Variants in MECOM observed in about 807,000 individuals in gnomAD.
MECOM encodes histone-lysine N-methyltransferase MECOM.
A neutral mutation model predicts 116.3 loss-of-function variants in MECOM; 13 were observed. The ratio of observed to expected loss-of-function variants is 0.11; its 90% CI spans 0.07 to 0.18. The LOEUF (loss-of-function observed/expected upper bound fraction) is 0.18, where lower values mean the gene tolerates loss of function less well. MECOM is among the 10% of genes least tolerant of loss of function. MECOM has a pLI of 1.00. For synonymous variants in MECOM, 528 were observed against 535.2 expected (o/e 0.99, Z 0.19); for missense variants, 1,299 against 1,509.0 (o/e 0.86, Z 2.31).
rs58944452 is a variant in MECOM at position 169,149,935 on chromosome 3, CTGTGTGTGTGTG to C, written c.376-6115_376-6104del. Among the ~76,000 whole-genome samples the C allele has an allele frequency of 1.3e-3, 166 of 131,304 alleles. 1 individual carries two copies. The highest frequency in any genetic ancestry group is 1.9e-3 in the South Asian group (7 of 3,708). The allele number at this position is 131,304 out of a possible 152,430, so 86.1% of individuals were successfully genotyped here. A position where few individuals can be genotyped will look rare whatever the true frequency, so the allele number is the denominator to read the frequency against. On this transcript the variant is annotated intron_variant, in intron 2 of 16. Transcript: ENST00000651503. ...AATCTTAATCTCTCTTTCTCTCTCTCTGTGTGTGTGTGTGTGTGTGTGTGTGTGTGTGTGTGT... is the reference window on the plus strand; with the variant it reads ...AATCTTAATCTCTCTTTCTCTCTCTCTGTGTGTGTGTGTGTGTGTGTGTGT...
intron 2 of MECOM, among the ~76,000 whole-genome samples, chr3:169,177,642 C>T (rs1373322113): frequency 2.6e-5 from 4 of 152,004 alleles, no homozygotes; most frequent in African/African-American, 9.7e-5. Context: ...GAGGACCAGG[C>T]GCGGTTGCTC....
At chr3:169,621,151 T>C (rs1770670858) in intron 1 of MECOM, among the ~76,000 whole-genome samples, 1 of 152,246 alleles carries the variant, frequency 6.6e-6, no homozygotes, top group African/African-American at 2.4e-5. Flanking sequence ...AAAAATTGTC[T>C]GGTATATCAG....
At chr3:169,544,252 G>C (rs1760448068) in intron 1 of MECOM, among the ~76,000 whole-genome samples, 1 of 152,238 alleles carries the variant, frequency 6.6e-6, no homozygotes, top group Non-Finnish European at 1.5e-5. Context: ...GAGTAAAGCA[G>C]TGCCTGGCAC....
chr3:169,663,480 CTCT>C lies in MECOM; in HGVS notation c.-111_-109del. 1 of 53,748 alleles carries C rather than the reference CTCT, an allele frequency of 1.9e-5. No homozygotes were observed. Among genetic ancestry groups the C allele is most frequent in the Non-Finnish European group, 3.6e-5 (1 of 27,634 alleles). 3.3% of individuals were successfully genotyped at this position (53,748 alleles called of 1,614,324 possible). A position where few individuals can be genotyped will look rare whatever the true frequency, so the allele number is the denominator to read the frequency against. ...CTCCCTCCCTCTCTCTCCTGTCTCT[CTCT>C]CTCTCTCTCTCTCTCTCTCTCTCTC... On this transcript the variant is annotated 5_prime_UTR_variant, in exon 1 of 17. Transcript: ENST00000651503.
At chr3:169,148,075 G>T (rs966955931) in intron 2 of MECOM, among the ~76,000 whole-genome samples, 2 of 151,934 alleles carry the variant, frequency 1.3e-5, no homozygotes, top group Non-Finnish European at 2.9e-5. Context: ...CATTCTTGTA[G>T]CTAGGTCAGA....
chr3:169,504,576 T>C (rs1754971124), intron 1 of MECOM, among the ~76,000 whole-genome samples: 1 of 152,160 alleles, frequency 6.6e-6, no homozygotes, highest in African/African-American at 2.4e-5. Flanking sequence ...GATTCCACAC[T>C]CAAAAACTCA....
intron 1 of MECOM, among the ~76,000 whole-genome samples, chr3:169,384,688 G>T (rs1454243171): frequency 6.6e-6 from 1 of 151,988 alleles, no homozygotes; most frequent in Non-Finnish European, 1.5e-5. Context: ...AAACCAAAAG[G>T]CACCAAAATA....
At chr3:169,640,868 C>T (rs1234961325) in intron 1 of MECOM, among the ~76,000 whole-genome samples, 1 of 152,152 alleles carries the variant, frequency 6.6e-6, no homozygotes, top group Non-Finnish European at 1.5e-5. Context: ...GAGGTGATTC[C>T]AAGGTTATGT....
At chr3:169,210,957 A>G (rs1750648689) in intron 2 of MECOM, among the ~76,000 whole-genome samples, 1 of 152,188 alleles carries the variant, frequency 6.6e-6, no homozygotes. Flanking sequence ...GGCATATATC[A>G]GTATTTCAGT....
intron 2 of MECOM, among the ~76,000 whole-genome samples, chr3:169,266,727 A>G (rs1374302135): frequency 6.6e-6 from 1 of 152,188 alleles, no homozygotes; most frequent in Non-Finnish European, 1.5e-5. Flanking sequence ...TCTGTCAAAT[A>G]TTATTATGCT....
chr3:169,529,483 T>C (rs917477645), intron 1 of MECOM, among the ~76,000 whole-genome samples: 47 of 152,094 alleles, frequency 3.1e-4, no homozygotes, highest in Non-Finnish European at 6.2e-4. Context: ...GCTTCCCATA[T>C]CCATATCCTG....
At chr3:169,578,694 T>A (rs1433546320) in intron 1 of MECOM, among the ~76,000 whole-genome samples, 1 of 152,146 alleles carries the variant, frequency 6.6e-6, no homozygotes, top group Non-Finnish European at 1.5e-5. Flanking sequence ...GTGTGTTGCA[T>A]GTATTTAACT....
chr3:169,378,466 CAAGCAAGCAAGAAAGAGA>C (rs1731615006), intron 2 of MECOM, among the ~76,000 whole-genome samples: 1 of 44,900 alleles, frequency 2.2e-5, no homozygotes, highest in South Asian at 7.0e-4. Flanking sequence ...AGCAAGCAAG[CAAGCAAGCAAGAAAGAGA>C]GAGAGAAAGA....
At chr3:169,572,282 C>T (rs6444861) in intron 1 of MECOM, among the ~76,000 whole-genome samples, 33,175 of 152,008 alleles carry the variant, frequency 0.22, 4,633 homozygotes, top group East Asian at 0.7. Flanking sequence ...AAACCAAAAC[C>T]ACAATGAGAT....
At chr3:169,489,278 A>T (rs1752789123) in intron 1 of MECOM, among the ~76,000 whole-genome samples, 1 of 152,192 alleles carries the variant, frequency 6.6e-6, no homozygotes, top group Non-Finnish European at 1.5e-5. Context: ...GTTTTAACAG[A>T]TTTTCAAGTA....
intron 1 of MECOM, among the ~76,000 whole-genome samples, chr3:169,619,839 A>T (rs1364275064): frequency 1.3e-5 from 2 of 152,338 alleles, no homozygotes; most frequent in South Asian, 2.1e-4. Context: ...ACCACCCTGT[A>T]GGAGGTGCTA....
At chr3:169,530,630 C>T (rs1422931446) in intron 1 of MECOM, among the ~76,000 whole-genome samples, 1 of 152,080 alleles carries the variant, frequency 6.6e-6, no homozygotes, top group Non-Finnish European at 1.5e-5. Flanking sequence ...GGGGTGTCAG[C>T]AGGGTAGAGA....
intron 1 of MECOM, among the ~76,000 whole-genome samples, chr3:169,513,812 G>A (rs1398037322): frequency 6.6e-6 from 1 of 152,102 alleles, no homozygotes; most frequent in Non-Finnish European, 1.5e-5. Flanking sequence ...TAAGTCTTAG[G>A]ACAAGATCAA....
At chr3:169,561,368 A>G (rs902887283) in intron 1 of MECOM, among the ~76,000 whole-genome samples, 1 of 152,180 alleles carries the variant, frequency 6.6e-6, no homozygotes, top group African/African-American at 2.4e-5. Flanking sequence ...TAAATAAATC[A>G]TGATATTTTC....
Sources: allele counts gnomAD v4.1 joint callset (sites outside exome capture counted in the v4.1 genomes callset), GRCh38; gene constraint gnomAD v4.1.1; transcripts MANE v1.5; gene names NCBI Gene and HGNC (gene_info 2026-07-23, HGNC 2026-07-21).